Variants in ATAD2B observed in about 807,000 individuals in gnomAD.
ATAD2B encodes ATPase family AAA domain-containing protein 2B.
Under a neutral mutation model 167.6 loss-of-function variants are expected in ATAD2B, and 40 were observed. The observed-to-expected ratio is 0.24, with a 90% CI of 0.19 to 0.31. The LOEUF (loss-of-function observed/expected upper bound fraction) is 0.31. Ranked by LOEUF, ATAD2B falls within the 10% of genes least tolerant of loss-of-function variation. The pLI is 1.00. For synonymous variants in ATAD2B, 579 were observed against 596.5 expected (o/e 0.97, Z 0.43); for missense variants, 1,242 against 1,757.2 (o/e 0.71, Z 5.24).
chr2:23,687,453 C>T, the ATAD2B span, among the ~76,000 whole-genome samples: 2 of 152,246 alleles, frequency 1.3e-5, no homozygotes, highest in Non-Finnish European at 2.9e-5. Context: ...CCCTGCCCCA[C>T]AGCCACAGGA....
intron 8 of ATAD2B, 22 bp from the exon 9 acceptor site, chr2:23,869,783 CTTAAAACCATTATAAT>C: frequency 1.3e-6 from 2 of 1,485,060 alleles, no homozygotes; most frequent in Non-Finnish European, 1.8e-6. Context: ...GAGTAAAATC[CTTAAAACCATTATAAT>C]AGCAAACAAC....
chr2:23,878,902 C>T (rs1363150656), intron 7 of ATAD2B, among the ~76,000 whole-genome samples: 2 of 152,196 alleles, frequency 1.3e-5, no homozygotes, highest in South Asian at 2.1e-4. Context: ...AGATTTAACA[C>T]TGTCAAAAAG....
At chr2:23,791,569 G>A (rs538668127) in intron 19 of ATAD2B, among the ~76,000 whole-genome samples, 54 of 151,672 alleles carry the variant, frequency 3.6e-4, no homozygotes, top group African/African-American at 1.2e-3. Context: ...CTGAATGACT[G>A]ATAATGAGCA....
intron 22 of ATAD2B, among the ~76,000 whole-genome samples, chr2:23,771,161 C>T (rs1041530130): frequency 1.3e-5 from 2 of 152,208 alleles, no homozygotes; most frequent in Admixed American, 1.3e-4. Flanking sequence ...TCTCCTGCAA[C>T]CCTAACTTCA....
chr2:23,714,318 C>A, the ATAD2B span, among the ~76,000 whole-genome samples: 4 of 150,172 alleles, frequency 2.7e-5, no homozygotes, highest in Non-Finnish European at 5.9e-5. Context: ...CGGCTCACTG[C>A]AAGCTCCGCC....
At chr2:23,920,060 A>G (rs898713001) in intron 1 of ATAD2B, among the ~76,000 whole-genome samples, 2 of 151,842 alleles carry the variant, frequency 1.3e-5, no homozygotes, top group Admixed American at 6.6e-5. Context: ...CTGAGGCAGG[A>G]GAATCTCTGG....
rs192852956 is a variant in ATAD2B at position 23,861,259 on chromosome 2, A to C, written c.1479+2122T>G. On this transcript the variant is annotated intron_variant, in intron 12 of 27. Transcript: ENST00000238789. ...TTTTGTGTCTTCTCAGTGAAATCTC[A>C]TAACAGTCTAGTAAGATAGGTATTC... 1.3e-3 allele frequency among the ~76,000 whole-genome samples: 201 copies of C among 151,666 alleles called. 1 individual carries two copies. The highest frequency in any genetic ancestry group is 5.3e-4 in the Admixed American group (8 of 15,192).
chr2:23,781,872 G>A (rs1265590793), intron 22 of ATAD2B, among the ~76,000 whole-genome samples: 1 of 151,694 alleles, frequency 6.6e-6, no homozygotes, highest in Non-Finnish European at 1.5e-5. Context: ...GAGTACAGTG[G>A]CATGATCACA....
chr2:23,903,807 C>T (rs976490395), intron 1 of ATAD2B, among the ~76,000 whole-genome samples: 4 of 152,076 alleles, frequency 2.6e-5, no homozygotes, highest in East Asian at 1.9e-4. Context: ...AACTTGATGA[C>T]GGCCTCATTT....
At chr2:23,768,037 A>G (rs1211549098) in intron 22 of ATAD2B, among the ~76,000 whole-genome samples, 1 of 152,220 alleles carries the variant, frequency 6.6e-6, no homozygotes, top group Non-Finnish European at 1.5e-5. Context: ...ATGTAAGCAC[A>G]TGAATATGTG....
chr2:23,857,133 G>C (rs2675363), intron 13 of ATAD2B, among the ~76,000 whole-genome samples: 28,637 of 152,068 alleles, frequency 0.19, 2,819 homozygotes, highest in Middle Eastern at 0.26. Context: ...CACAGCTGCT[G>C]AACTCTACTA....
chr2:23,904,159 G>T (rs141707475), intron 1 of ATAD2B, among the ~76,000 whole-genome samples: 211 of 152,186 alleles, frequency 1.4e-3, no homozygotes, highest in African/African-American at 5.0e-3. Context: ...AAAAGAAAAT[G>T]ATCATAGGTA....
chr2:23,897,020 C>T (rs958166263), intron 1 of ATAD2B, among the ~76,000 whole-genome samples: 1 of 152,136 alleles, frequency 6.6e-6, no homozygotes, highest in Non-Finnish European at 1.5e-5. Context: ...ATCCCAGCTA[C>T]TCGGGAGGCT....
At chr2:23,760,199 T>C (rs560610821) in intron 24 of ATAD2B, among the ~76,000 whole-genome samples, 7 of 152,342 alleles carry the variant, frequency 4.6e-5, no homozygotes, top group South Asian at 2.1e-4. Flanking sequence ...GGTATTTTTC[T>C]CTTCCTTATA....
In ATAD2B at chr2:23,751,544, A is replaced by T. The variant is rs1363230185; in HGVS notation, c.*502T>A. 1 of 153,638 alleles carries T rather than the reference A, an allele frequency of 6.5e-6. No individual in the cohort carries two copies. Among genetic ancestry groups the T allele is most frequent in the East Asian group, 1.9e-4 (1 of 5,208 alleles). 9.5% of individuals were successfully genotyped at this position (153,638 alleles called of 1,614,324 possible). On this transcript the variant is annotated 3_prime_UTR_variant, in exon 28 of 28. Transcript: ENST00000238789. ...CCAGTTTCTTCAGCTTCCCACCAGA[A>T]CAGACCATAGCCAACTCTAAAACAG...
At chr2:23,783,284 CTTT>C (rs1375017370) in intron 21 of ATAD2B, among the ~76,000 whole-genome samples, 3 of 135,646 alleles carry the variant, frequency 2.2e-5, no homozygotes, top group Non-Finnish European at 3.2e-5. Context: ...ACCATGTCAG[CTTT>C]TTTTTTTTTT....
intron 13 of ATAD2B, among the ~76,000 whole-genome samples, chr2:23,843,393 TAA>T (rs1691239650): frequency 4.6e-5 from 7 of 152,212 alleles, no homozygotes; most frequent in Admixed American, 4.6e-4. Flanking sequence ...ATGTCATGGC[TAA>T]ACTGTTGAAA....
At chr2:23,805,704 T>C (rs1309791492) in intron 18 of ATAD2B, among the ~76,000 whole-genome samples, 3 of 149,944 alleles carry the variant, frequency 2.0e-5, no homozygotes, top group Non-Finnish European at 4.4e-5. Context: ...TTTTAAAAGA[T>C]GGTGCCAAAT....
chr2:23,867,508 C>G (rs1178860832), intron 10 of ATAD2B, among the ~76,000 whole-genome samples: 1 of 152,196 alleles, frequency 6.6e-6, no homozygotes, highest in African/African-American at 2.4e-5. Context: ...TTAACTATAT[C>G]ATAGCCAGAG....
Sources: gnomAD v4.1 joint callset for allele counts (sites outside exome capture counted in the v4.1 genomes callset) on GRCh38, gnomAD v4.1.1 for gene constraint, MANE v1.5 for transcripts, NCBI Gene and HGNC (gene_info 2026-07-23, HGNC 2026-07-21) for gene names.